Variants in LHFPL4 observed in about 807,000 individuals in gnomAD.
LHFPL4 encodes the protein LHFPL tetraspan subfamily member 4.
In LHFPL4, 6 loss-of-function variants were observed where a neutral mutation model predicts 20.0. The ratio of observed to expected loss-of-function variants is 0.30; its 90% confidence interval spans 0.16 to 0.59. The LOEUF is 0.59. LHFPL4 is among the 20% of genes least tolerant of loss of function. The probability of loss-of-function intolerance (pLI) is 0.88; values close to 1 mark genes in which losing one functional copy is unlikely to be tolerated. For missense variants in LHFPL4, 215 were observed against 331.2 expected (o/e 0.65, Z 2.72); for synonymous variants, 129 against 143.8 (o/e 0.90, Z 0.74).
intron 2 of LHFPL4, among the ~76,000 whole-genome samples, chr3:9,545,328 C>G (rs971935491): frequency 1.3e-5 from 2 of 152,098 alleles, no homozygotes; most frequent in African/African-American, 4.8e-5. Context: ...ATCAGTATCA[C>G]GCACATACAA....
rs1189312147 is a variant in LHFPL4, at chr3:9,502,265, A to T, written c.690T>A (p.Asp230Glu). 6.2e-7 allele frequency: 1 copy of T among 1,614,014 alleles called. No homozygotes were observed. Among genetic ancestry groups the T allele is most frequent in the Non-Finnish European group, 8.5e-7 (1 of 1,179,940 alleles). ...TVSSVLRPGG[D>E]VSGWGVLPCP... is the part of the protein sequence containing the mutation. The stretch of plus-strand genomic sequence containing the variant: ...AGGGAAGGACTCCCCATCCAGAGAC[A>T]TCACCCCCGGGCCGCAACACGGAGC... Residue 230 changes from aspartate (D) to glutamate (E), a missense_variant, in exon 4 of 4, where the codon GAT (aspartate) becomes GAA (glutamate). By Grantham distance (45) the Asp-to-Glu change is conservative. Transcript: ENST00000287585.
chr3:9,538,850 C>A (rs1435170002), intron 2 of LHFPL4, among the ~76,000 whole-genome samples: 1 of 152,010 alleles, frequency 6.6e-6, no homozygotes, highest in Non-Finnish European at 1.5e-5. Context: ...AGGCATGCAC[C>A]ACCACGCCCG....
intron 3 of LHFPL4, among the ~76,000 whole-genome samples, chr3:9,504,534 A>G (rs1007156194): frequency 1.3e-5 from 2 of 151,636 alleles, no homozygotes; most frequent in Admixed American, 1.3e-4. Flanking sequence ...TTAAAAAAAT[A>G]TACTGCCACA....
intron 2 of LHFPL4, among the ~76,000 whole-genome samples, chr3:9,524,589 A>G (rs556560800): frequency 1.3e-5 from 2 of 152,164 alleles, no homozygotes; most frequent in East Asian, 3.9e-4. Flanking sequence ...TATCTCTAGC[A>G]TTTATTTTTG....
At chr3:9,521,518 A>C (rs374906741) in intron 2 of LHFPL4, among the ~76,000 whole-genome samples, 1 of 151,678 alleles carries the variant, frequency 6.6e-6, no homozygotes, top group African/African-American at 2.4e-5. Context: ...CTCCTGCCTC[A>C]GCCTCCCAAG....
intron 2 of LHFPL4, among the ~76,000 whole-genome samples, chr3:9,533,439 G>A (rs572686833): frequency 6.6e-6 from 1 of 152,354 alleles, no homozygotes; most frequent in South Asian, 2.1e-4. Flanking sequence ...TGAAGCAAAA[G>A]TGTGATTCCA....
chr3:9,509,247 C>A (rs914247821), intron 2 of LHFPL4, among the ~76,000 whole-genome samples: 1 of 126,032 alleles, frequency 7.9e-6, no homozygotes, highest in African/African-American at 2.9e-5. Flanking sequence ...TCGCACCCCC[C>A]TCTCTCTCTC....
chr3:9,546,780 T>A (rs2125667947), intron 2 of LHFPL4, among the ~76,000 whole-genome samples: 1 of 152,306 alleles, frequency 6.6e-6, no homozygotes, highest in African/African-American at 2.4e-5. Context: ...TCGGACTATG[T>A]CACAAGAGTA....
chr3:9,523,109 AG>A (rs2046350849), intron 2 of LHFPL4, among the ~76,000 whole-genome samples: 2 of 138,738 alleles, frequency 1.4e-5, no homozygotes, highest in African/African-American at 5.4e-5. Flanking sequence ...AGAGAGAGAA[AG>A]CAAGCAAGCA....
At chr3:9,504,006 G>GGTGA in intron 3 of LHFPL4, among the ~76,000 whole-genome samples, 1 of 151,470 alleles carries the variant, frequency 6.6e-6, no homozygotes, top group Non-Finnish European at 1.5e-5. Flanking sequence ...AGCCTGAGCA[G>GGTGA]CAGAGTGAGG....
intron 2 of LHFPL4, among the ~76,000 whole-genome samples, chr3:9,517,464 G>A (rs967568470): frequency 5.9e-5 from 9 of 151,488 alleles, no homozygotes; most frequent in African/African-American, 1.9e-4. Flanking sequence ...CATTTTGGGG[G>A]TGGTAATTAG....
intron 2 of LHFPL4, among the ~76,000 whole-genome samples, chr3:9,513,366 C>G (rs971615281): frequency 6.6e-6 from 1 of 152,032 alleles, no homozygotes; most frequent in African/African-American, 2.4e-5. Flanking sequence ...TTGTCTTGCT[C>G]TGTCACCAAG....
In LHFPL4 at chr3:9,534,791, T is replaced by C. The variant is rs201829685; in HGVS notation, c.406+17483A>G. Among the ~76,000 whole-genome samples the C allele has an allele frequency of 8.5e-5, 13 of 152,296 alleles. No individual in the cohort carries two copies. In the East Asian group the frequency reaches 2.1e-3, roughly 25 times the overall value. ...GGTCAAATGTAACTTATAGAAATCATGGATTAATCTCAAAAACAGAAAAAT... is the reference window on the plus strand; with the variant it reads ...GGTCAAATGTAACTTATAGAAATCACGGATTAATCTCAAAAACAGAAAAAT... On this transcript the variant is annotated intron_variant, in intron 2 of 3. Coordinates refer to ENST00000287585, the MANE Select transcript of LHFPL4 (RefSeq NM_198560.3).
At chr3:9,538,649 G>T (rs2046458058) in intron 2 of LHFPL4, among the ~76,000 whole-genome samples, 1 of 151,792 alleles carries the variant, frequency 6.6e-6, no homozygotes, top group Non-Finnish European at 1.5e-5. Flanking sequence ...TAATATTCCT[G>T]AGAGCACTTA....
rs577401123 is a variant in LHFPL4, at chr3:9,500,477, C to G, written c.*1734G>C. 6.6e-6 allele frequency: 1 copy of G among 152,428 alleles called. No homozygotes were observed. The highest frequency in any genetic ancestry group is 1.9e-4 in the East Asian group (1 of 5,182). 9.4% of individuals were successfully genotyped at this position (152,428 alleles called of 1,614,324 possible). On this transcript the variant is annotated 3_prime_UTR_variant, in exon 4 of 4. Coordinates refer to ENST00000287585, the MANE Select transcript of LHFPL4 (RefSeq NM_198560.3). The stretch of plus-strand genomic sequence containing the variant: ...CTTGGTAAGTTCCAGGTGGCAGGAA[C>G]CCACTAGGTCCCAACATCTGATTCC...
intron 3 of LHFPL4, among the ~76,000 whole-genome samples, chr3:9,504,209 A>G (rs2046199728): frequency 6.6e-6 from 1 of 151,960 alleles, no homozygotes; most frequent in Admixed American, 6.6e-5. Context: ...CATCTCTACT[A>G]AGAATACAAC....
intron 3 of LHFPL4, among the ~76,000 whole-genome samples, chr3:9,505,535 G>A (rs1301990532): frequency 2.0e-5 from 3 of 151,920 alleles, no homozygotes; most frequent in Admixed American, 1.3e-4. Flanking sequence ...CTCACTGCAA[G>A]CTCCACCTCC....
At chr3:9,504,157 G>A (rs936497911) in intron 3 of LHFPL4, among the ~76,000 whole-genome samples, 1 of 151,330 alleles carries the variant, frequency 6.6e-6, no homozygotes, top group South Asian at 2.1e-4. Flanking sequence ...GATCACTTGA[G>A]GCCAGGAGTT....
chr3:9,515,030 T>C (rs1318032904), intron 2 of LHFPL4, among the ~76,000 whole-genome samples: 1 of 152,214 alleles, frequency 6.6e-6, no homozygotes, highest in Non-Finnish European at 1.5e-5. Flanking sequence ...AGGTGTATGA[T>C]TGCTGGGTCA....
Sources: allele counts gnomAD v4.1 joint callset (sites outside exome capture counted in the v4.1 genomes callset), GRCh38; gene constraint gnomAD v4.1.1; transcripts MANE v1.5; gene names NCBI Gene and HGNC (gene_info 2026-07-23, HGNC 2026-07-21).